Variants in ST8SIA4 observed in about 807,000 individuals in gnomAD.
The protein encoded by ST8SIA4 is CMP-N-acetylneuraminate-poly-alpha-2,8-sialyltransferase.
ST8SIA4 carries 15 observed loss-of-function variants against 33.9 expected under a neutral mutation model. That is an observed-to-expected ratio of 0.44 (90% CI 0.30 to 0.68). The LOEUF is 0.68. Ranked by LOEUF, ST8SIA4 falls within the 30% of genes least tolerant of loss-of-function variation. The probability of loss-of-function intolerance (pLI) is 0.10; values close to 1 mark genes in which losing one functional copy is unlikely to be tolerated. For missense variants in ST8SIA4, 321 were observed against 428.0 expected (o/e 0.75, Z 2.21); for synonymous variants, 171 against 151.2 (o/e 1.13, Z -0.96).
At chr5:100,823,063 A>G (rs371115689) in intron 4 of ST8SIA4, among the ~76,000 whole-genome samples, 70 of 152,194 alleles carry the variant, frequency 4.6e-4, no homozygotes, top group East Asian at 2.7e-3. Context: ...CCCGGGAGGC[A>G]GAGGTTGCAC....
chr5:100,812,196 A>T, intron 4 of ST8SIA4, 67 bp from the exon 5 acceptor site: 2 of 1,380,692 alleles, frequency 1.4e-6, no homozygotes, highest in Non-Finnish European at 2.0e-6. Flanking sequence ...ATCCTATAGC[A>T]AGTATATAAT....
At chr5:100,878,844 A>C (rs892726089) in intron 3 of ST8SIA4, among the ~76,000 whole-genome samples, 1 of 152,178 alleles carries the variant, frequency 6.6e-6, no homozygotes, top group Admixed American at 6.5e-5. Context: ...TTCATTAGAA[A>C]ATCTGATTTT....
intron 4 of ST8SIA4, among the ~76,000 whole-genome samples, chr5:100,852,114 CTTTTTTTTTTTTT>C (rs773074391): frequency 1.4e-3 from 116 of 83,490 alleles, no homozygotes; most frequent in African/African-American, 5.7e-3. Context: ...CTCCACTCTT[CTTTTTTTTTTTTT>C]TTTTTTTTTT....
rs1432909197 is a variant in ST8SIA4, at chr5:100,807,441, G to A, written c.*4406C>T. On this transcript the variant is annotated 3_prime_UTR_variant, in exon 5 of 5. Coordinates refer to ENST00000231461, the MANE Select transcript of ST8SIA4 (RefSeq NM_005668.6). The stretch of plus-strand genomic sequence containing the variant: ...CCTGCTATTTACATTTGAAACACTT[G>A]TGCTTTTGCCTACACAAAGAAACGG... The A allele has an allele frequency of 6.6e-6, 1 of 152,194 alleles. No homozygotes were observed. The highest frequency in any genetic ancestry group is 2.4e-5 in the African/African-American group (1 of 41,316). 9.4% of individuals were successfully genotyped at this position (152,194 alleles called of 1,614,324 possible). A position where few individuals can be genotyped will look rare whatever the true frequency, so the allele number is the denominator to read the frequency against.
At chr5:100,862,575 T>C (rs985742654) in intron 3 of ST8SIA4, among the ~76,000 whole-genome samples, 1 of 151,648 alleles carries the variant, frequency 6.6e-6, no homozygotes, top group African/African-American at 2.4e-5. Flanking sequence ...TTTTTTTTTG[T>C]ATTTTTAGTA....
At chr5:100,842,081 T>C (rs1414931208) in intron 4 of ST8SIA4, among the ~76,000 whole-genome samples, 1 of 151,908 alleles carries the variant, frequency 6.6e-6, no homozygotes, top group Non-Finnish European at 1.5e-5. Flanking sequence ...TGGAATTATG[T>C]GATTTCAAAT....
chr5:100,820,371 C>A (rs968040898), intron 4 of ST8SIA4, among the ~76,000 whole-genome samples: 1 of 152,096 alleles, frequency 6.6e-6, no homozygotes, highest in Non-Finnish European at 1.5e-5. Context: ...GAAAAACTTA[C>A]AATATAATTT....
intron 3 of ST8SIA4, among the ~76,000 whole-genome samples, chr5:100,856,927 CACAA>C (rs1751827202): frequency 1.3e-5 from 2 of 152,228 alleles, no homozygotes; most frequent in African/African-American, 4.8e-5. Flanking sequence ...TAGTGTTTTA[CACAA>C]ACATATTTAC....
intron 4 of ST8SIA4, among the ~76,000 whole-genome samples, chr5:100,834,971 G>A (rs1372932812): frequency 1.3e-5 from 2 of 151,892 alleles, no homozygotes; most frequent in Admixed American, 1.3e-4. Context: ...TAACACATCC[G>A]GCCTTCTTGG....
At chr5:100,869,193 A>G (rs1752143965) in intron 3 of ST8SIA4, among the ~76,000 whole-genome samples, 1 of 152,200 alleles carries the variant, frequency 6.6e-6, no homozygotes, top group African/African-American at 2.4e-5. Flanking sequence ...GATGAAAGTT[A>G]TAATTACATA....
At chr5:100,858,932 T>A (rs555469212) in intron 3 of ST8SIA4, among the ~76,000 whole-genome samples, 1 of 151,998 alleles carries the variant, frequency 6.6e-6, no homozygotes, top group African/African-American at 2.4e-5. Flanking sequence ...GTTTTAGGAG[T>A]CCAGCTTGTT....
chr5:100,842,109 G>T (rs1263798818), intron 4 of ST8SIA4, among the ~76,000 whole-genome samples: 2 of 151,798 alleles, frequency 1.3e-5, no homozygotes, highest in Non-Finnish European at 2.9e-5. Context: ...TACTTCAATA[G>T]AATTTTTTAA....
intron 3 of ST8SIA4, among the ~76,000 whole-genome samples, chr5:100,868,966 CATA>C (rs1291305647): frequency 6.6e-6 from 1 of 152,068 alleles, no homozygotes; most frequent in Non-Finnish European, 1.5e-5. Context: ...TAAAGCTACA[CATA>C]ATAATAATGA....
At chr5:100,884,842 G>C (rs181487797) in intron 3 of ST8SIA4, among the ~76,000 whole-genome samples, 5 of 152,238 alleles carry the variant, frequency 3.3e-5, no homozygotes, top group African/African-American at 1.2e-4. Context: ...AGAGTCACAG[G>C]TGGGGCTAAA....
At chr5:100,814,069 T>A (rs753916395) in intron 4 of ST8SIA4, among the ~76,000 whole-genome samples, 1 of 152,022 alleles carries the variant, frequency 6.6e-6, no homozygotes, top group African/African-American at 2.4e-5. Context: ...TTCATGTAAC[T>A]ATGGTTGCTC....
chr5:100,828,233 C>T (rs1309759908), intron 4 of ST8SIA4, among the ~76,000 whole-genome samples: 2 of 152,074 alleles, frequency 1.3e-5, no homozygotes, highest in African/African-American at 2.4e-5. Context: ...AACCAACTAC[C>T]GTGTAAAACC....
At chr5:100,847,508 T>G (rs2112429528) in intron 4 of ST8SIA4, among the ~76,000 whole-genome samples, 1 of 152,230 alleles carries the variant, frequency 6.6e-6, no homozygotes, top group East Asian at 1.9e-4. Flanking sequence ...TTACTTTCAT[T>G]TAAAATGAAT....
intron 2 of ST8SIA4, among the ~76,000 whole-genome samples, chr5:100,895,056 A>G (rs1752750497): frequency 6.6e-6 from 1 of 152,054 alleles, no homozygotes; most frequent in Non-Finnish European, 1.5e-5. Context: ...ATATCAGAAG[A>G]AAATTACATA....
At chr5:100,862,021 G>C (rs774574411) in intron 3 of ST8SIA4, among the ~76,000 whole-genome samples, 1 of 152,148 alleles carries the variant, frequency 6.6e-6, no homozygotes, top group African/African-American at 2.4e-5. Context: ...ATGCAGGTAA[G>C]TTAAAGGCAT....
Sources: allele counts gnomAD v4.1 joint callset (sites outside exome capture counted in the v4.1 genomes callset), GRCh38; gene constraint gnomAD v4.1.1; transcripts MANE v1.5; gene names NCBI Gene and HGNC (gene_info 2026-07-23, HGNC 2026-07-21).